The following TUSC3 variants were observed in gnomAD, a reference collection of about 807,000 sequenced individuals.
The protein encoded by TUSC3 is tumor suppressor candidate 3, also known as dolichyl-diphosphooligosaccharide--protein glycosyltransferase subunit TUSC3.
TUSC3 carries 45 observed loss-of-function variants against 44.8 expected under a neutral mutation model. The observed-to-expected ratio is 1.00, with a 90% CI of 0.79 to 1.29. The LOEUF (loss-of-function observed/expected upper bound fraction) is 1.29. Ranked by LOEUF, TUSC3 falls within the 50% of genes most tolerant of loss-of-function variation. TUSC3 has a pLI of 0.00. For missense variants in TUSC3, 519 were observed against 437.9 expected, an observed-to-expected ratio of 1.19 and a Z score of -1.65; for synonymous variants, 212 against 152.9, an observed-to-expected ratio of 1.39 and a Z score of -2.85.
intron 1 of TUSC3, among the ~76,000 whole-genome samples, chr8:15,447,239 G>T (rs1297918040): frequency 2.0e-5 from 3 of 152,056 alleles, no homozygotes; most frequent in Non-Finnish European, 4.4e-5. Context: ...TTTGAATAAA[G>T]CAACCTCAAA....
chr8:15,807,333 A>G, the TUSC3 span: 1 of 421,204 alleles, frequency 2.4e-6, no homozygotes, highest in East Asian at 4.9e-5. Context: ...CATCAACAAA[A>G]CCAAAACAAG....
intron 6 of TUSC3, among the ~76,000 whole-genome samples, chr8:15,684,283 G>A (rs1393998157): frequency 1.3e-5 from 2 of 152,158 alleles, no homozygotes; most frequent in African/African-American, 4.8e-5. Flanking sequence ...AACTCCTTGG[G>A]AACCCACTGT....
chr8:15,837,093 T>C, the TUSC3 span, among the ~76,000 whole-genome samples: 2 of 152,322 alleles, frequency 1.3e-5, no homozygotes, highest in South Asian at 4.1e-4. Context: ...GAGAAATGTT[T>C]AAAAGCTATT....
chr8:15,720,383 C>G (rs1388191341), intron 6 of TUSC3, among the ~76,000 whole-genome samples: 4 of 151,988 alleles, frequency 2.6e-5, no homozygotes, highest in African/African-American at 9.7e-5. Flanking sequence ...GCAGCCTCAA[C>G]CAGTAACACT....
chr8:15,754,147 G>T (rs1423596139), intron 9 of TUSC3, among the ~76,000 whole-genome samples: 1 of 152,040 alleles, frequency 6.6e-6, no homozygotes, highest in Non-Finnish European at 1.5e-5. Flanking sequence ...AGAATGAAAT[G>T]CAGGAAAGAA....
the TUSC3 span, among the ~76,000 whole-genome samples, chr8:15,835,185 T>C: frequency 6.6e-6 from 1 of 152,322 alleles, no homozygotes; most frequent in East Asian, 1.9e-4. Flanking sequence ...TCATAAGTGA[T>C]ATTTTTAAAG....
intron 2 of TUSC3, among the ~76,000 whole-genome samples, chr8:15,530,850 C>G (rs1801440273): frequency 6.6e-6 from 1 of 152,078 alleles, no homozygotes; most frequent in Non-Finnish European, 1.5e-5. Flanking sequence ...TGGTTATGCC[C>G]AATGTGAGAA....
chr8:15,461,221 T>C (rs1248217899), intron 1 of TUSC3, among the ~76,000 whole-genome samples: 1 of 152,116 alleles, frequency 6.6e-6, no homozygotes, highest in Non-Finnish European at 1.5e-5. Context: ...TTGTAGTTTT[T>C]CTTGTAGAGG....
At chr8:15,537,531 C>T (rs117912979), upstream of TUSC3, among the ~76,000 whole-genome samples, 1,251 of 152,312 alleles carry the variant, frequency 8.2e-3, 10 homozygotes, top group Non-Finnish European at 0.013. Flanking sequence ...CAGAGTTTGA[C>T]TCTTGTCATC....
chr8:15,834,173 C>A, the TUSC3 span, among the ~76,000 whole-genome samples: 1 of 152,084 alleles, frequency 6.6e-6, no homozygotes, highest in African/African-American at 2.4e-5. Context: ...ATTAAAACTT[C>A]TTGTCAGAGC....
intron 1 of TUSC3, among the ~76,000 whole-genome samples, chr8:15,433,596 C>G (rs939225301): frequency 6.6e-6 from 1 of 151,740 alleles, no homozygotes; most frequent in East Asian, 1.9e-4. Context: ...ACACCACCAC[C>G]GCCACCACCA....
intron 2 of TUSC3, 150 bp from the exon 3 acceptor site, chr8:15,650,547 T>C (rs1806846310): frequency 1.6e-6 from 1 of 644,178 alleles, no homozygotes; most frequent in Admixed American, 2.6e-5. Context: ...AGAATCCTTT[T>C]TTTAAAAAAA....
intron 1 of TUSC3, among the ~76,000 whole-genome samples, chr8:15,601,097 G>C (rs572280559): frequency 6.6e-6 from 1 of 151,740 alleles, no homozygotes; most frequent in South Asian, 2.1e-4. Flanking sequence ...AAGGTCAGCA[G>C]ATTTGTTACA....
At chr8:15,762,188 T>A (rs1038791251) in intron 10 of TUSC3, among the ~76,000 whole-genome samples, 1 of 151,998 alleles carries the variant, frequency 6.6e-6, no homozygotes, top group African/African-American at 2.4e-5. Context: ...GTGTTTCCAG[T>A]GTCTTGAACA....
At chr8:15,646,874 A>G (rs1397935136) in intron 2 of TUSC3, among the ~76,000 whole-genome samples, 2 of 152,200 alleles carry the variant, frequency 1.3e-5, no homozygotes, top group Admixed American at 6.5e-5. Flanking sequence ...TATGATAGGT[A>G]TAGATTTAAC....
At chr8:15,851,087 C>A in the TUSC3 span, among the ~76,000 whole-genome samples, 16 of 152,168 alleles carry the variant, frequency 1.1e-4, no homozygotes, top group African/African-American at 3.6e-4. Flanking sequence ...CGACGCTTTT[C>A]GGAAGGTAAC....
At chr8:15,733,361 T>TC (rs748457458) in intron 7 of TUSC3, 2 of 404,626 alleles carry the variant, frequency 4.9e-6, no homozygotes, top group East Asian at 1.5e-4. Flanking sequence ...GTTTTTTTTT[T>TC]TTTCCTAACT....
At chr8:15,461,055 T>C (rs980491997) in intron 1 of TUSC3, among the ~76,000 whole-genome samples, 3 of 152,186 alleles carry the variant, frequency 2.0e-5, no homozygotes, top group South Asian at 2.1e-4. Context: ...TGTTTTCTAA[T>C]TCTGTGAAGA....
At chr8:15,741,579 C>T (rs1218422160) in intron 7 of TUSC3, among the ~76,000 whole-genome samples, 1 of 151,734 alleles carries the variant, frequency 6.6e-6, no homozygotes, top group Non-Finnish European at 1.5e-5. Context: ...TCCAGCCACT[C>T]GAGACACTGA....
Sources: allele counts gnomAD v4.1 joint callset (sites outside exome capture counted in the v4.1 genomes callset), GRCh38; gene constraint gnomAD v4.1.1; transcripts MANE v1.5; gene names NCBI Gene and HGNC (gene_info 2026-07-23, HGNC 2026-07-21).